Variants in ARHGAP24 observed in about 807,000 individuals in gnomAD.
The protein encoded by ARHGAP24 is Rho GTPase activating protein 24, also known as rho GTPase-activating protein 24.
ARHGAP24 carries 50 observed loss-of-function variants against 76.4 expected under a neutral mutation model. The observed-to-expected ratio is 0.65, with a 90% confidence interval of 0.52 to 0.83. The LOEUF is 0.83. Ranked by LOEUF, ARHGAP24 falls within the 40% of genes least tolerant of loss-of-function variation. The pLI, the probability that ARHGAP24 is intolerant of heterozygous loss-of-function variation, is 0.00. For missense variants in ARHGAP24, 930 were observed against 914.2 expected, an observed-to-expected ratio of 1.02 and a Z score of -0.22; for synonymous variants, 345 against 323.3, an observed-to-expected ratio of 1.07 and a Z score of -0.72.
chr4:85,718,849 A>G (rs1267739376), intron 2 of ARHGAP24, among the ~76,000 whole-genome samples: 13 of 152,214 alleles, frequency 8.5e-5, no homozygotes, highest in Non-Finnish European at 1.9e-4. Flanking sequence ...AAAGGATAGC[A>G]TTACTTGGAG....
intron 1 of ARHGAP24, among the ~76,000 whole-genome samples, chr4:85,486,858 T>G (rs190010083): frequency 1.4e-3 from 216 of 152,148 alleles, no homozygotes; most frequent in African/African-American, 4.3e-3. Context: ...GCTACTAGAT[T>G]AACAGTGCTG....
intron 3 of ARHGAP24, among the ~76,000 whole-genome samples, chr4:85,821,901 C>T (rs1022208503): frequency 2.0e-5 from 3 of 151,944 alleles, no homozygotes; most frequent in Non-Finnish European, 2.9e-5. Context: ...CAGGCCAAAG[C>T]GAAGATAAAA....
At chr4:85,479,173 A>G (rs1405954207) in intron 1 of ARHGAP24, among the ~76,000 whole-genome samples, 2 of 152,226 alleles carry the variant, frequency 1.3e-5, no homozygotes, top group African/African-American at 2.4e-5. Flanking sequence ...AAATATAACA[A>G]TGCTACAAAA....
At chr4:85,603,364 G>C (rs73832882) in intron 2 of ARHGAP24, among the ~76,000 whole-genome samples, 1 of 152,102 alleles carries the variant, frequency 6.6e-6, no homozygotes, top group Admixed American at 6.6e-5. Context: ...TAGCTGTGAC[G>C]CACTTACCAT....
intron 3 of ARHGAP24, among the ~76,000 whole-genome samples, chr4:85,865,510 C>G (rs1259553091): frequency 6.8e-6 from 1 of 146,054 alleles, no homozygotes; most frequent in African/African-American, 2.5e-5. Flanking sequence ...AAATAAAAAA[C>G]AATAAATAAT....
At chr4:85,851,439 C>A (rs1480718755) in intron 3 of ARHGAP24, among the ~76,000 whole-genome samples, 2 of 152,230 alleles carry the variant, frequency 1.3e-5, no homozygotes, top group South Asian at 2.1e-4. Context: ...GGGCATTTAG[C>A]CCATTTACAT....
chr4:85,925,207 G>A (rs1735953951), intron 4 of ARHGAP24, among the ~76,000 whole-genome samples: 1 of 152,180 alleles, frequency 6.6e-6, no homozygotes, highest in Non-Finnish European at 1.5e-5. Flanking sequence ...GATTTAAGTT[G>A]CACGTTGTTT....
At chr4:85,554,412 G>C (rs960683822) in intron 1 of ARHGAP24, among the ~76,000 whole-genome samples, 1 of 152,110 alleles carries the variant, frequency 6.6e-6, no homozygotes. Flanking sequence ...CAAATTGCCT[G>C]TTATCTCCTC....
At chr4:85,733,026 A>G (rs959536219) in intron 3 of ARHGAP24, among the ~76,000 whole-genome samples, 2 of 130,932 alleles carry the variant, frequency 1.5e-5, no homozygotes, top group African/African-American at 5.7e-5. Context: ...TTCAAATTGC[A>G]TCAACCAGCT....
intron 2 of ARHGAP24, among the ~76,000 whole-genome samples, chr4:85,625,635 T>C (rs1720917987): frequency 6.6e-6 from 1 of 152,140 alleles, no homozygotes; most frequent in Non-Finnish European, 1.5e-5. Flanking sequence ...CTTGTTAACT[T>C]TTTTCTTGTT....
At chr4:85,932,200 T>G (rs554977640) in intron 4 of ARHGAP24, among the ~76,000 whole-genome samples, 5 of 152,306 alleles carry the variant, frequency 3.3e-5, no homozygotes, top group Non-Finnish European at 5.9e-5. Context: ...CTCATATTTT[T>G]ATAGATCTAT....
chr4:85,852,894 C>T (rs1005331514), intron 3 of ARHGAP24, among the ~76,000 whole-genome samples: 2 of 152,238 alleles, frequency 1.3e-5, no homozygotes, highest in Admixed American at 1.3e-4. Flanking sequence ...TCAGCCCCCA[C>T]TGGGAGGTGT....
chr4:85,601,520 C>T (rs1301075327), intron 2 of ARHGAP24, among the ~76,000 whole-genome samples: 2 of 152,102 alleles, frequency 1.3e-5, no homozygotes, highest in African/African-American at 4.8e-5. Flanking sequence ...CTGGCAGCAT[C>T]CCTGGCTTCT....
intron 2 of ARHGAP24, among the ~76,000 whole-genome samples, chr4:85,661,562 A>G (rs1257769099): frequency 6.6e-6 from 1 of 151,988 alleles, no homozygotes; most frequent in Non-Finnish European, 1.5e-5. Context: ...ACATGTGCAC[A>G]TTGTGCAGGT....
chr4:85,937,087 A>G (rs1044909762), intron 4 of ARHGAP24, among the ~76,000 whole-genome samples: 2 of 152,224 alleles, frequency 1.3e-5, no homozygotes, highest in African/African-American at 4.8e-5. Flanking sequence ...GAAGAGCGGC[A>G]TGATCCGATT....
chr4:85,977,766 C>T (rs1386500671), intron 8 of ARHGAP24, 75 bp downstream of exon 8: 44 of 1,561,586 alleles, frequency 2.8e-5, no homozygotes, highest in Non-Finnish European at 3.8e-5. Context: ...ATCTACTCAT[C>T]TCTGAGCAAA....
At chr4:85,525,107 A>G (rs1003757627) in intron 1 of ARHGAP24, among the ~76,000 whole-genome samples, 16 of 152,104 alleles carry the variant, frequency 1.1e-4, no homozygotes, top group African/African-American at 3.9e-4. Flanking sequence ...CTGCATCTAT[A>G]TTGTATCCAC....
chr4:85,731,766 G>A (rs1725419742), intron 3 of ARHGAP24, among the ~76,000 whole-genome samples: 1 of 152,090 alleles, frequency 6.6e-6, no homozygotes, highest in African/African-American at 2.4e-5. Flanking sequence ...CAAACACAAA[G>A]AAATGATAAA....
intron 3 of ARHGAP24, among the ~76,000 whole-genome samples, chr4:85,895,998 A>G (rs1468534612): frequency 1.3e-5 from 2 of 152,238 alleles, no homozygotes; most frequent in African/African-American, 2.4e-5. Flanking sequence ...GTACTTCGCC[A>G]TAAAGTTAAT....
Sources: gnomAD v4.1 joint callset for allele counts (sites outside exome capture counted in the v4.1 genomes callset) on GRCh38, gnomAD v4.1.1 for gene constraint, MANE v1.5 for transcripts, NCBI Gene and HGNC (gene_info 2026-07-23, HGNC 2026-07-21) for gene names.